Variants in IFT80 observed in about 807,000 individuals in gnomAD.
IFT80 encodes intraflagellar transport 80, also known as intraflagellar transport protein 80 homolog.
A neutral mutation model predicts 107.9 loss-of-function variants in IFT80; 79 were observed. That is an observed-to-expected ratio of 0.73 (90% CI 0.61 to 0.88). The LOEUF (loss-of-function observed/expected upper bound fraction) is 0.88. IFT80 is among the 40% of genes least tolerant of loss of function. IFT80 has a pLI of 0.00. For synonymous variants in IFT80, 299 were observed against 300.9 expected (o/e 0.99, Z 0.07); for missense variants, 797 against 914.2 (o/e 0.87, Z 1.65).
intron 4 of IFT80, 29 bp from the exon 5 acceptor site, chr3:160,375,909 AT>A (rs1275341233): frequency 3.7e-6 from 5 of 1,359,916 alleles, no homozygotes; most frequent in East Asian, 2.4e-5. Flanking sequence ...ATTAATCAGT[AT>A]TTTTACCTAT....
At chr3:160,323,027 G>T (rs1230907027) in intron 8 of IFT80, among the ~76,000 whole-genome samples, 2 of 151,932 alleles carry the variant, frequency 1.3e-5, no homozygotes, top group Non-Finnish European at 2.9e-5. Context: ...CTGTGCAGAG[G>T]CTCTTTAGTT....
intron 8 of IFT80, among the ~76,000 whole-genome samples, chr3:160,348,273 T>C (rs1720440407): frequency 1.3e-5 from 2 of 152,216 alleles, no homozygotes; most frequent in Admixed American, 1.3e-4. Context: ...GCTTTCCCAC[T>C]CTACTCTGCC....
intron 8 of IFT80, among the ~76,000 whole-genome samples, chr3:160,326,117 C>G (rs1718658458): frequency 6.6e-6 from 1 of 151,876 alleles, no homozygotes; most frequent in Non-Finnish European, 1.5e-5. Flanking sequence ...ACATAACAAA[C>G]CTGCACACGT....
rs189758773 is a variant in IFT80, at chr3:160,258,343, A to G, written c.*182T>C. On this transcript the variant is annotated 3_prime_UTR_variant, in exon 20 of 20. Transcript: ENST00000326448. ...ATTATTGGACTAAAAAATATAAAAG[A>G]TAGAAATACATCAATTACTTTGTGT... The G allele has an allele frequency of 7.1e-4, 523 of 738,202 alleles. No individual in the cohort carries two copies. In the African/African-American group the frequency reaches 8.1e-3, roughly 11 times the overall value. 45.7% of individuals were successfully genotyped at this position (738,202 alleles called of 1,614,324 possible).
At chr3:160,327,533 A>T (rs1718757564) in intron 8 of IFT80, among the ~76,000 whole-genome samples, 1 of 151,930 alleles carries the variant, frequency 6.6e-6, no homozygotes, top group Non-Finnish European at 1.5e-5. Context: ...GCACACCTAC[A>T]ACTATCTGAT....
intron 19 of IFT80, among the ~76,000 whole-genome samples, chr3:160,267,124 T>C (rs1713394779): frequency 6.6e-6 from 1 of 152,194 alleles, no homozygotes; most frequent in South Asian, 2.1e-4. Context: ...TGGATCCAGA[T>C]GTCGAAGTTG....
intron 6 of IFT80, among the ~76,000 whole-genome samples, chr3:160,361,744 A>G (rs1400229892): frequency 6.6e-6 from 1 of 152,212 alleles, no homozygotes; most frequent in Non-Finnish European, 1.5e-5. Context: ...ACTCAACTAC[A>G]TGGAAACTGA....
chr3:160,291,632 G>A (rs114355423), intron 12 of IFT80, among the ~76,000 whole-genome samples: 260 of 152,348 alleles, frequency 1.7e-3, no homozygotes, highest in African/African-American at 6.1e-3. Flanking sequence ...GTGGTGGGCT[G>A]CACTGCATGC....
At chr3:160,292,370 T>C (rs549393567) in intron 12 of IFT80, among the ~76,000 whole-genome samples, 2 of 152,130 alleles carry the variant, frequency 1.3e-5, no homozygotes, top group Non-Finnish European at 2.9e-5. Flanking sequence ...ACAGTGGTTT[T>C]CTAAAACAGG....
At position 160,317,396 on chromosome 3, in the gene IFT80, G is replaced by A. The variant is rs546882125; in HGVS notation, c.957+2364C>T. ...AGATAAGCCATTTAAGCATTTCCAC[G>A]GTTCATCTTATTTCACATAAAAATC... On this transcript the variant is annotated intron_variant, in intron 9 of 19. Coordinates refer to ENST00000326448, the MANE Select transcript of IFT80 (RefSeq NM_020800.3). Among the ~76,000 whole-genome samples, 24 of 151,896 alleles carry A rather than the reference G, an allele frequency of 1.6e-4. No individual in the cohort carries two copies. In the South Asian group the frequency reaches 2.9e-3, roughly 18 times the overall value.
chr3:160,273,893 A>G (rs1403673633), intron 18 of IFT80, among the ~76,000 whole-genome samples: 2 of 152,188 alleles, frequency 1.3e-5, no homozygotes, highest in African/African-American at 4.8e-5. Context: ...CAATTAGGTA[A>G]AAGCAAGAAA....
intron 18 of IFT80, among the ~76,000 whole-genome samples, chr3:160,276,575 G>T (rs1254614639): frequency 1.3e-5 from 2 of 152,152 alleles, no homozygotes; most frequent in Non-Finnish European, 2.9e-5. Context: ...TTCACTGGGA[G>T]ACATGTACCT....
chr3:160,279,461 G>A (rs1397550958), intron 15 of IFT80, 97 bp from the exon 16 acceptor site: 23 of 945,586 alleles, frequency 2.4e-5, no homozygotes, highest in African/African-American at 4.9e-5. Flanking sequence ...AAATACACAC[G>A]GAGTCTCCAA....
chr3:160,392,584 T>C (rs531116240), intron 1 of IFT80, among the ~76,000 whole-genome samples: 5 of 152,358 alleles, frequency 3.3e-5, no homozygotes, highest in Admixed American at 2.6e-4. Flanking sequence ...TTCTCTCACA[T>C]ACCAAATCCA....
chr3:160,374,549 C>T (rs1350649151), intron 5 of IFT80, among the ~76,000 whole-genome samples: 5 of 152,068 alleles, frequency 3.3e-5, no homozygotes, highest in African/African-American at 4.8e-5. Flanking sequence ...AAAGGAAAAA[C>T]GGATATAGCA....
intron 12 of IFT80, among the ~76,000 whole-genome samples, chr3:160,292,801 C>T (rs1203454009): frequency 6.6e-6 from 1 of 152,098 alleles, no homozygotes; most frequent in East Asian, 1.9e-4. Flanking sequence ...TGGCAAAACA[C>T]TTTTTTCTTT....
chr3:160,277,194 T>A (rs535149687), intron 18 of IFT80, 112 bp downstream of exon 18: 2 of 866,596 alleles, frequency 2.3e-6, no homozygotes, highest in East Asian at 4.9e-5. Context: ...TAAATTCTTC[T>A]GTGGTGTTAA....
At chr3:160,302,926 A>G (rs1052804341) in intron 11 of IFT80, among the ~76,000 whole-genome samples, 1 of 152,168 alleles carries the variant, frequency 6.6e-6, no homozygotes, top group Non-Finnish European at 1.5e-5. Flanking sequence ...GTTGGTGCAC[A>G]GAATCATTAT....
At chr3:160,327,429 C>T (rs1003050122) in intron 8 of IFT80, among the ~76,000 whole-genome samples, 3 of 152,068 alleles carry the variant, frequency 2.0e-5, no homozygotes, top group Admixed American at 2.0e-4. Context: ...TCAAACTGTA[C>T]TAACAGGGCC....
Sources: allele counts gnomAD v4.1 joint callset (sites outside exome capture counted in the v4.1 genomes callset), GRCh38; gene constraint gnomAD v4.1.1; transcripts MANE v1.5; gene names NCBI Gene and HGNC (gene_info 2026-07-23, HGNC 2026-07-21).